Variants in ERICH5 observed in about 807,000 individuals in gnomAD.
The protein encoded by ERICH5 is glutamate-rich protein 5.
Under a neutral mutation model 28.0 loss-of-function variants are expected in ERICH5, and 24 were observed. The observed-to-expected ratio is 0.86, with a 90% confidence interval of 0.62 to 1.21. The LOEUF is 1.21. Ranked by LOEUF, ERICH5 falls within the 50% of genes most tolerant of loss-of-function variation. The pLI is 0.00. For synonymous variants in ERICH5, 163 were observed against 157.6 expected, an observed-to-expected ratio of 1.03 and a Z score of -0.25; for missense variants, 421 against 441.2, an observed-to-expected ratio of 0.95 and a Z score of 0.41.
rs1301658486 is a variant in ERICH5 at position 98,073,469 on chromosome 8, T to A, written c.58+8742T>A. Among the ~76,000 whole-genome samples the A allele has an allele frequency of 5.8e-3, 12 of 2,080 alleles. 4 individuals are homozygous for A. The highest frequency in any genetic ancestry group is 0.024 in the African/African-American group (12 of 498). The allele number at this position is 2,080 out of a possible 152,430, so 1.4% of individuals were successfully genotyped here. On this transcript the variant is annotated intron_variant, in intron 1 of 2. Coordinates refer to ENST00000318528, the MANE Select transcript of ERICH5 (RefSeq NM_173549.3). Reference sequence around the variant, plus strand: ...ATATATATATATATATGTATATATATATATATATATATATATGTATATATA... The same window carrying A: ...ATATATATATATATATGTATATATAAATATATATATATATATGTATATATA...
chr8:98,072,123 A>G (rs1367332737), intron 1 of ERICH5, among the ~76,000 whole-genome samples: 1 of 152,108 alleles, frequency 6.6e-6, no homozygotes, highest in Non-Finnish European at 1.5e-5. Flanking sequence ...AAGACAGTCA[A>G]TGCTGGAGTG....
chr8:98,076,847 G>T (rs1311504217), intron 1 of ERICH5, among the ~76,000 whole-genome samples: 1 of 152,070 alleles, frequency 6.6e-6, no homozygotes, highest in Non-Finnish European at 1.5e-5. Context: ...TCATGCTGAT[G>T]GTGCAGGCTC....
chr8:98,091,989 TC>T (rs1563759796), intron 2 of ERICH5, among the ~76,000 whole-genome samples: 5 of 138,396 alleles, frequency 3.6e-5, no homozygotes, highest in African/African-American at 1.4e-4. Flanking sequence ...TCTCTCTCTC[TC>T]TCCCCTTCCT....
At chr8:98,085,001 T>C (rs2444862) in intron 1 of ERICH5, among the ~76,000 whole-genome samples, 149,660 of 152,170 alleles carry the variant, frequency 0.98, 73,656 homozygotes, top group Non-Finnish European at 1. Flanking sequence ...TAAATGGAAT[T>C]ATATGCTATG....
chr8:98,076,554 T>C (rs1326259129), intron 1 of ERICH5, among the ~76,000 whole-genome samples: 1 of 152,136 alleles, frequency 6.6e-6, no homozygotes, highest in Non-Finnish European at 1.5e-5. Flanking sequence ...TATCCTTATA[T>C]TATCTTTCAT....
In ERICH5 at chr8:98,093,532, G is replaced by T; in HGVS notation, c.*199G>T. ...CTGCAAAACTGCTAAGCCATGAACA[G>T]TTTTCTTAGCTACTTAGAATGGTTA... On this transcript the variant is annotated 3_prime_UTR_variant, in exon 3 of 3. Coordinates refer to ENST00000318528, the MANE Select transcript of ERICH5 (RefSeq NM_173549.3). The T allele has an allele frequency of 2.4e-6, 1 of 410,038 alleles. No individual in the cohort carries two copies. Among genetic ancestry groups the T allele is most frequent in the Non-Finnish European group, 4.3e-6 (1 of 230,742 alleles). The allele number at this position is 410,038 out of a possible 1,614,324, so 25.4% of individuals were successfully genotyped here.
intron 2 of ERICH5, among the ~76,000 whole-genome samples, chr8:98,091,891 T>TC (rs768870379): frequency 0.077 from 5,638 of 73,468 alleles, 147 homozygotes; most frequent in Middle Eastern, 0.11. Flanking sequence ...TTTCTTTCTT[T>TC]CTTTCTTTCC....
At chr8:98,073,522 A>C (rs1436488115) in intron 1 of ERICH5, among the ~76,000 whole-genome samples, 769 of 10,318 alleles carry the variant, frequency 0.075, 211 homozygotes, top group African/African-American at 0.21. Flanking sequence ...ATATGTATAT[A>C]TATATATATA....
chr8:98,066,090 C>T (rs1339859217), intron 1 of ERICH5, among the ~76,000 whole-genome samples: 1 of 152,180 alleles, frequency 6.6e-6, no homozygotes, highest in Admixed American at 6.5e-5. Context: ...TGGAAAAATT[C>T]ATTTCTAATG....
In ERICH5 at chr8:98,089,970, G is replaced by A. The variant is rs1171112976; in HGVS notation, c.953G>A (p.Gly318Glu). 4.3e-6 allele frequency: 7 copies of A among 1,614,118 alleles called. No homozygotes were observed. The highest frequency in any genetic ancestry group is 1.7e-5 in the Admixed American group (1 of 60,022). ...MEHPARNVEA[G>E]AYVEMIRNIH... ...CATCCAGCACGAAATGTAGAGGCAG[G>A]AGCATATGTGGAAATGATCAGGAAC... The change falls in exon 2 of 3, where the codon GGA (glycine) becomes GAA (glutamate). Residue 318 changes from glycine (G) to glutamate (E), a missense_variant. Physicochemically the swap from Gly to Glu is moderately conservative, Grantham distance 98. Transcript: ENST00000318528.
chr8:98,080,276 C>CTG (rs34977203), intron 1 of ERICH5, among the ~76,000 whole-genome samples: 12,040 of 152,218 alleles, frequency 0.079, 1,578 homozygotes, highest in African/African-American at 0.27. Context: ...GATAAGGAAA[C>CTG]AGATCCAGAG....
intron 1 of ERICH5, among the ~76,000 whole-genome samples, chr8:98,077,106 A>G (rs1815070154): frequency 6.6e-6 from 1 of 152,146 alleles, no homozygotes; most frequent in South Asian, 2.1e-4. Context: ...CTATTAAAAA[A>G]AAAAAAGGAT....
At chr8:98,077,877 G>T (rs1346002392) in intron 1 of ERICH5, among the ~76,000 whole-genome samples, 6 of 151,964 alleles carry the variant, frequency 3.9e-5, no homozygotes, top group Admixed American at 2.6e-4. Context: ...GCCTATTCTT[G>T]TTTCTCTATA....
intron 1 of ERICH5, among the ~76,000 whole-genome samples, chr8:98,088,219 A>G (rs1294765652): frequency 2.6e-5 from 4 of 152,264 alleles, no homozygotes; most frequent in Non-Finnish European, 5.9e-5. Context: ...CTGCTGGGTC[A>G]AAGAGTATTA....
chr8:98,076,390 C>CTT (rs58330802), intron 1 of ERICH5, among the ~76,000 whole-genome samples: 90 of 143,186 alleles, frequency 6.3e-4, no homozygotes, highest in Middle Eastern at 7.3e-3. Flanking sequence ...ATTAGAAGGC[C>CTT]TTTTTTTTTT....
At chr8:98,091,226 A>G (rs1335056128) in intron 2 of ERICH5, among the ~76,000 whole-genome samples, 2 of 152,120 alleles carry the variant, frequency 1.3e-5, no homozygotes, top group Non-Finnish European at 2.9e-5. Context: ...ATGAGCCACC[A>G]TGTCTGGCCA....
chr8:98,083,743 C>T (rs937953609), intron 1 of ERICH5, among the ~76,000 whole-genome samples: 4 of 152,296 alleles, frequency 2.6e-5, no homozygotes, highest in East Asian at 1.9e-4. Flanking sequence ...TATTTCCAGC[C>T]GAGATTTATA....
intron 1 of ERICH5, among the ~76,000 whole-genome samples, chr8:98,073,797 C>T (rs1406700858): frequency 6.6e-6 from 1 of 151,262 alleles, no homozygotes; most frequent in African/African-American, 2.4e-5. Flanking sequence ...CCCACCTCGG[C>T]CTCCCAAAGT....
chr8:98,079,166 C>CTTTTTTT (rs528062932), intron 1 of ERICH5, among the ~76,000 whole-genome samples: 7 of 75,576 alleles, frequency 9.3e-5, no homozygotes, highest in African/African-American at 2.8e-4. Context: ...TTTTTTTTTC[C>CTTTTTTT]TTTTTTTTTT....
Sources: gnomAD v4.1 joint callset for allele counts (sites outside exome capture counted in the v4.1 genomes callset) on GRCh38, gnomAD v4.1.1 for gene constraint, MANE v1.5 for transcripts, NCBI Gene and HGNC (gene_info 2026-07-23, HGNC 2026-07-21) for gene names.